Variants in PALLD observed in about 807,000 individuals in gnomAD.
PALLD encodes the protein palladin, cytoskeletal associated protein.
In PALLD, 61 loss-of-function variants were observed where a neutral mutation model predicts 123.5. The ratio of observed to expected loss-of-function variants is 0.49; its 90% CI spans 0.40 to 0.61. PALLD has a LOEUF of 0.61. PALLD is among the 20% of genes least tolerant of loss of function. The probability of loss-of-function intolerance (pLI) is 0.00; values close to 1 mark genes in which losing one functional copy is unlikely to be tolerated. For missense variants in PALLD, 1,273 were observed against 1,377.0 expected, an observed-to-expected ratio of 0.92 and a Z score of 1.20; for synonymous variants, 465 against 496.4, an observed-to-expected ratio of 0.94 and a Z score of 0.84.
chr4:168,762,451 C>G (rs576180597), intron 10 of PALLD, among the ~76,000 whole-genome samples: 1 of 151,626 alleles, frequency 6.6e-6, no homozygotes, highest in African/African-American at 2.4e-5. Flanking sequence ...TCAGCCTGGG[C>G]GACTGGAGTG....
rs1391979108 is a variant in PALLD at position 168,511,698 on chromosome 4, C to T, written c.194C>T (p.Ser65Leu). 3.1e-6 allele frequency: 5 copies of T among 1,614,170 alleles called. No homozygotes were observed. The highest frequency in any genetic ancestry group is 4.5e-5 in the East Asian group (2 of 44,878). ...GATTTTGACTCGGAAAAGGAGATCT[C>T]GCAGATTTTCAGTACTTCTCCTGCA... The part of the protein sequence containing the change: ...TEDFDSEKEI[S>L]QIFSTSPASL... The change falls in exon 2 of 22, where the codon TCG becomes TTG. Residue 65 changes from serine (S) to leucine (L), a missense_variant. Around this residue, in one of 2 missense-constraint regions of PALLD, gnomAD observed 944 missense variants for 954.5 expected, o/e 0.99. Coordinates refer to ENST00000505667, the MANE Select transcript of PALLD (RefSeq NM_001166108.2).
chr4:168,925,451 T>TAACA, intron 21 of PALLD, 173 bp downstream of exon 21: 1 of 643,580 alleles, frequency 1.6e-6, no homozygotes, highest in Non-Finnish European at 2.8e-6. Context: ...GACTGCCTTT[T>TAACA]AACATTTCTT....
intron 10 of PALLD, chr4:168,832,082 C>G: frequency 1.0e-6 from 1 of 978,952 alleles, no homozygotes; most frequent in Non-Finnish European, 1.2e-6. Flanking sequence ...CCGATACCTG[C>G]CCCGCGCCCG....
Position 168,925,041 on chromosome 4 carries a change from A to G in PALLD, c.3321A>G (p.Ala1107=), listed in dbSNP as rs764265611. ...ATACTGTGTCAGCCAAGAATGAAGC[A>G]GGGATTGTGTCCTGTACTGCCAGGC... ...GWYTVSAKNE[A]GIVSCTARLD... Residue 1107 remains alanine, a synonymous_variant, in exon 20 of 22, where the codon GCA becomes GCG. Transcript: ENST00000505667. 37 of 1,614,032 alleles carry G rather than the reference A, an allele frequency of 2.3e-5. No homozygotes were observed. In the Admixed American group the frequency reaches 3.7e-4, roughly 16 times the overall value.
chr4:168,656,237 A>AC (rs372112391), intron 2 of PALLD, among the ~76,000 whole-genome samples: 2,345 of 102,480 alleles, frequency 0.023, 83 homozygotes, highest in African/African-American at 0.081. Context: ...TCCATTCTCC[A>AC]CCCCCCCACC....
At chr4:168,603,006 G>A (rs1192874637) in intron 2 of PALLD, among the ~76,000 whole-genome samples, 3 of 152,026 alleles carry the variant, frequency 2.0e-5, no homozygotes, top group Middle Eastern at 3.2e-3. Context: ...GAGCTCAAGC[G>A]AGCCTCCCAC....
chr4:168,534,627 C>T (rs1048911784), intron 2 of PALLD, among the ~76,000 whole-genome samples: 2 of 152,052 alleles, frequency 1.3e-5, no homozygotes, highest in African/African-American at 4.8e-5. Context: ...TTGTATCTTC[C>T]ACTGAACACA....
intron 2 of PALLD, among the ~76,000 whole-genome samples, chr4:168,652,086 G>A (rs908304941): frequency 6.6e-6 from 1 of 152,156 alleles, no homozygotes; most frequent in African/African-American, 2.4e-5. Flanking sequence ...GATGTCGCTT[G>A]TGAAGCGTCA....
intron 9 of PALLD, 95 bp from the exon 10 acceptor site, chr4:168,711,486 C>T: frequency 2.2e-6 from 2 of 922,568 alleles, no homozygotes; most frequent in African/African-American, 3.2e-5. Context: ...CAACTTCACA[C>T]AACACAGGGA....
At chr4:168,592,041 G>A (rs1246333980) in intron 2 of PALLD, among the ~76,000 whole-genome samples, 1 of 139,744 alleles carries the variant, frequency 7.2e-6, no homozygotes, top group Non-Finnish European at 1.5e-5. Context: ...TTTTGAGATG[G>A]AGTCGCGCTC....
intron 10 of PALLD, chr4:168,833,069 G>GGCCCC (rs1744543112): frequency 6.6e-6 from 1 of 152,586 alleles, no homozygotes; most frequent in Non-Finnish European, 1.5e-5. Flanking sequence ...GCTCTAGGCC[G>GGCCCC]GCCCCGCCCC....
At chr4:168,692,594 A>T (rs548950199) in intron 8 of PALLD, among the ~76,000 whole-genome samples, 1 of 152,238 alleles carries the variant, frequency 6.6e-6, no homozygotes, top group Non-Finnish European at 1.5e-5. Context: ...GCTATTTTAA[A>T]CAACTTTAGA....
At chr4:168,730,795 G>A (rs1434018043) in intron 10 of PALLD, among the ~76,000 whole-genome samples, 1 of 151,964 alleles carries the variant, frequency 6.6e-6, no homozygotes, top group Non-Finnish European at 1.5e-5. Context: ...AAGGGAAGGG[G>A]GTTGGCTTTT....
At position 168,595,717 on chromosome 4, in the gene PALLD, G is replaced by A. The variant is rs574887546; in HGVS notation, c.909-72473G>A. On this transcript the variant is annotated intron_variant, in intron 2 of 21. Transcript: ENST00000505667. ...TATGGTTATGAATTCAGTCGTGAGA[G>A]TGCAGGACCTAAGAAACCTAAAAAT... 3.7e-4 allele frequency among the ~76,000 whole-genome samples: 56 copies of A among 152,208 alleles called. 1 individual carries two copies. In the South Asian group the frequency reaches 0.011, roughly 30 times the overall value.
chr4:168,547,293 G>C (rs949902482), intron 2 of PALLD, among the ~76,000 whole-genome samples: 1 of 152,052 alleles, frequency 6.6e-6, no homozygotes, highest in African/African-American at 2.4e-5. Flanking sequence ...CCAATTTCTG[G>C]CAAACTTGCC....
intron 10 of PALLD, among the ~76,000 whole-genome samples, chr4:168,830,791 A>G (rs1180039108): frequency 6.6e-6 from 1 of 152,226 alleles, no homozygotes; most frequent in East Asian, 1.9e-4. Flanking sequence ...CTGGCTGAAG[A>G]CAGTGAACCT....
chr4:168,797,286 T>G (rs115266145), intron 10 of PALLD, among the ~76,000 whole-genome samples: 1,949 of 152,248 alleles, frequency 0.013, 21 homozygotes, highest in Non-Finnish European at 0.019. Context: ...CACCCCATCC[T>G]GTTTTTGACT....
chr4:168,625,061 T>C (rs1030402099), intron 2 of PALLD, among the ~76,000 whole-genome samples: 3 of 152,014 alleles, frequency 2.0e-5, no homozygotes, highest in Non-Finnish European at 4.4e-5. Context: ...CTGAAGTTTA[T>C]ATGGAAAAAC....
At chr4:168,712,321 G>A (rs964900934) in intron 10 of PALLD, 11 of 286,718 alleles carry the variant, frequency 3.8e-5, no homozygotes, top group Non-Finnish European at 7.4e-5. Flanking sequence ...TTAAGTATCA[G>A]TAAGAAGATC....
Sources: gnomAD v4.1 joint callset for allele counts (sites outside exome capture counted in the v4.1 genomes callset) on GRCh38, gnomAD v4.1.1 for gene constraint, gnomAD v4.1.1 regional missense constraint, MANE v1.5 for transcripts, NCBI Gene and HGNC (gene_info 2026-07-23, HGNC 2026-07-21) for gene names.